Variants in ADGRL3 observed in about 807,000 individuals in gnomAD.
ADGRL3 encodes calcium-independent alpha-latrotoxin receptor 3.
ADGRL3 carries 62 observed loss-of-function variants against 153.5 expected under a neutral mutation model. The ratio of observed to expected loss-of-function variants is 0.40; its 90% CI spans 0.33 to 0.50. The LOEUF is 0.50. Among genes scored for constraint, ADGRL3 ranks in the 20% least tolerant of loss-of-function variants. ADGRL3 has a pLI of 0.47. For missense variants in ADGRL3, 1,641 were observed against 1,859.4 expected, an observed-to-expected ratio of 0.88 and a Z score of 2.16; for synonymous variants, 710 against 672.5, an observed-to-expected ratio of 1.06 and a Z score of -0.86.
At chr4:61,304,640 ATGTGTGTGTGTGTAT>A (rs1560451385) in intron 1 of ADGRL3, among the ~76,000 whole-genome samples, 1 of 151,726 alleles carries the variant, frequency 6.6e-6, no homozygotes, top group African/African-American at 2.4e-5. Flanking sequence ...TATGTAATTC[ATGTGTGTGTGTGTAT>A]TGTGTGTTTT....
intron 1 of ADGRL3, among the ~76,000 whole-genome samples, chr4:61,364,446 G>C (rs1302330728): frequency 6.6e-6 from 1 of 151,788 alleles, no homozygotes; most frequent in Non-Finnish European, 1.5e-5. Flanking sequence ...TGAGGATTTG[G>C]TTTGTTTTGC....
At chr4:61,726,210 G>GTTTTTTT (rs149472429) in intron 6 of ADGRL3, among the ~76,000 whole-genome samples, 2 of 118,472 alleles carry the variant, frequency 1.7e-5, no homozygotes, top group Non-Finnish European at 1.7e-5. Context: ...TTTTTTTTTT[G>GTTTTTTT]TTTTTTGAGA....
intron 5 of ADGRL3, among the ~76,000 whole-genome samples, chr4:61,673,925 A>G (rs930319781): frequency 6.6e-6 from 1 of 151,194 alleles, no homozygotes; most frequent in Non-Finnish European, 1.5e-5. Flanking sequence ...TATTATAGGC[A>G]TAACATTTTT....
chr4:61,524,746 G>A (rs1336905066), intron 4 of ADGRL3, among the ~76,000 whole-genome samples: 1 of 152,032 alleles, frequency 6.6e-6, no homozygotes, highest in Non-Finnish European at 1.5e-5. Context: ...CCCCACTGCT[G>A]TTTATCCCTT....
intron 2 of ADGRL3, among the ~76,000 whole-genome samples, chr4:61,438,081 T>C (rs1216863558): frequency 6.6e-6 from 1 of 152,228 alleles, no homozygotes; most frequent in Non-Finnish European, 1.5e-5. Flanking sequence ...TGGCAACTTA[T>C]TTTGTTCTTC....
chr4:61,644,653 G>A (rs2093872555), intron 5 of ADGRL3, among the ~76,000 whole-genome samples: 1 of 152,150 alleles, frequency 6.6e-6, no homozygotes, highest in South Asian at 2.1e-4. Flanking sequence ...CTCAGAGATA[G>A]TTTGTTATAA....
chr4:61,988,373 G>A (rs1019332748), intron 19 of ADGRL3, among the ~76,000 whole-genome samples: 1 of 151,952 alleles, frequency 6.6e-6, no homozygotes, highest in Non-Finnish European at 1.5e-5. Context: ...TATAAATTGC[G>A]CTGTTAATAA....
chr4:61,759,329 G>T (rs9759639), intron 8 of ADGRL3, among the ~76,000 whole-genome samples: 1 of 151,842 alleles, frequency 6.6e-6, no homozygotes, highest in African/African-American at 2.4e-5. Context: ...TAGATTTGGT[G>T]TTTTCACATA....
chr4:62,055,198 A>G (rs991355872), intron 25 of ADGRL3, among the ~76,000 whole-genome samples: 2 of 151,808 alleles, frequency 1.3e-5, no homozygotes, highest in Non-Finnish European at 3.0e-5. Flanking sequence ...TGAAGAGGTA[A>G]CTTCTAGGTT....
chr4:61,461,550 T>G (rs1380725248), intron 2 of ADGRL3, among the ~76,000 whole-genome samples: 2 of 152,188 alleles, frequency 1.3e-5, no homozygotes, highest in African/African-American at 4.8e-5. Flanking sequence ...TAAACAAATA[T>G]TCTTATACGC....
rs186846197 is a variant in ADGRL3 at position 61,701,734 on chromosome 4, A to C, written c.583+24799A>C. Among the ~76,000 whole-genome samples the C allele has an allele frequency of 6.5e-4, 99 of 151,948 alleles. No homozygotes were observed. The East Asian group carries it at 0.016, about 25-fold the overall frequency. ...TTGCAGACATGAGCCGCTGCGCAGA[A>C]CCGAAATAATTGAAGGAAGGTGATA... On this transcript the variant is annotated intron_variant, in intron 6 of 26. Transcript: ENST00000683033.
intron 17 of ADGRL3, among the ~76,000 whole-genome samples, chr4:61,977,920 A>G (rs916885144): frequency 4.6e-5 from 7 of 152,124 alleles, no homozygotes; most frequent in East Asian, 1.9e-4. Context: ...ATAGTGCCCA[A>G]TAGGTTTTCT....
At chr4:61,342,082 A>T (rs2151153059) in intron 1 of ADGRL3, among the ~76,000 whole-genome samples, 1 of 152,274 alleles carries the variant, frequency 6.6e-6, no homozygotes, top group African/African-American at 2.4e-5. Context: ...ATAAGAAAAA[A>T]GCTTTATAAT....
chr4:61,642,814 A>G (rs1021987955), intron 5 of ADGRL3, among the ~76,000 whole-genome samples: 4 of 152,084 alleles, frequency 2.6e-5, no homozygotes, highest in Admixed American at 6.5e-5. Flanking sequence ...GTTTTTTCCA[A>G]TTCTGTGAAG....
At chr4:61,373,841 T>C (rs2096570634) in intron 1 of ADGRL3, among the ~76,000 whole-genome samples, 1 of 152,186 alleles carries the variant, frequency 6.6e-6, no homozygotes, top group Admixed American at 6.6e-5. Context: ...TTTGAAAGGA[T>C]GATATGAATT....
At chr4:61,801,003 G>C (rs943412207) in intron 8 of ADGRL3, among the ~76,000 whole-genome samples, 3 of 152,130 alleles carry the variant, frequency 2.0e-5, no homozygotes, top group Admixed American at 1.3e-4. Flanking sequence ...AATTTGATCA[G>C]GTTGAAAAGA....
At chr4:61,526,009 G>A (rs536997605) in intron 4 of ADGRL3, among the ~76,000 whole-genome samples, 7 of 152,248 alleles carry the variant, frequency 4.6e-5, no homozygotes, top group Admixed American at 4.6e-4. Context: ...CGAAGCAGGG[G>A]AGGGACAAGG....
At chr4:61,367,406 GT>G (rs2096421519) in intron 1 of ADGRL3, among the ~76,000 whole-genome samples, 1 of 144,280 alleles carries the variant, frequency 6.9e-6, no homozygotes, top group Non-Finnish European at 1.5e-5. Flanking sequence ...CCCCACAACA[GT>G]CCCCAGAGTG....
At chr4:61,843,698 T>A (rs1327672319) in intron 9 of ADGRL3, among the ~76,000 whole-genome samples, 1 of 152,180 alleles carries the variant, frequency 6.6e-6, no homozygotes, top group Middle Eastern at 3.2e-3. Flanking sequence ...CTATTATAAT[T>A]TGCCTAAGAT....
Sources: allele counts gnomAD v4.1 joint callset (sites outside exome capture counted in the v4.1 genomes callset), GRCh38; gene constraint gnomAD v4.1.1; transcripts MANE v1.5; gene names NCBI Gene and HGNC (gene_info 2026-07-23, HGNC 2026-07-21).